ACOXL: variants seen among roughly 807,000 people sequenced by gnomAD.
ACOXL encodes the protein acyl-coenzyme A oxidase-like protein.
Under a neutral mutation model 71.9 loss-of-function variants are expected in ACOXL, and 70 were observed. The ratio of observed to expected loss-of-function variants is 0.97; its 90% confidence interval spans 0.80 to 1.19. The LOEUF is 1.19. Among genes scored for constraint, ACOXL ranks in the 50% most tolerant of loss-of-function variants. The pLI, the probability that ACOXL is intolerant of heterozygous loss-of-function variation, is 0.00. For missense variants in ACOXL, 703 were observed against 736.3 expected (o/e 0.95, Z 0.52); for synonymous variants, 253 against 281.6 (o/e 0.90, Z 1.02).
chr2:110,842,136 GTT>G (rs2105761316), intron 10 of ACOXL, among the ~76,000 whole-genome samples: 1 of 152,228 alleles, frequency 6.6e-6, no homozygotes, highest in Admixed American at 6.5e-5. Flanking sequence ...TTCGAAAGAA[GTT>G]TGCCTCCTAA....
intron 10 of ACOXL, among the ~76,000 whole-genome samples, chr2:110,886,499 C>A (rs1030495510): frequency 6.6e-5 from 10 of 151,856 alleles, no homozygotes; most frequent in African/African-American, 2.2e-4. Flanking sequence ...GCCTCAGCCT[C>A]CTGAGTAGCT....
At chr2:110,857,366 A>G (rs2148961542) in intron 10 of ACOXL, among the ~76,000 whole-genome samples, 1 of 152,268 alleles carries the variant, frequency 6.6e-6, no homozygotes, top group African/African-American at 2.4e-5. Context: ...AGATAAACCC[A>G]TCCGTCCATT....
At chr2:110,739,986 C>T (rs1677315005) in intron 1 of ACOXL, among the ~76,000 whole-genome samples, 1 of 152,048 alleles carries the variant, frequency 6.6e-6, no homozygotes, top group Non-Finnish European at 1.5e-5. Flanking sequence ...ACTTGTAGAC[C>T]TGTATTTATG....
intron 15 of ACOXL, among the ~76,000 whole-genome samples, chr2:111,043,226 G>A (rs888509289): frequency 2.6e-5 from 4 of 152,120 alleles, no homozygotes; most frequent in African/African-American, 7.2e-5. Context: ...GAGGTCCCCC[G>A]AGGGCCAGCT....
At chr2:110,881,288 C>T (rs541174435) in intron 10 of ACOXL, among the ~76,000 whole-genome samples, 3 of 151,948 alleles carry the variant, frequency 2.0e-5, no homozygotes, top group Admixed American at 2.0e-4. Context: ...ACATGAATTA[C>T]TTCTCTCTTG....
At chr2:110,742,125 C>T (rs1677628254) in intron 1 of ACOXL, among the ~76,000 whole-genome samples, 1 of 152,198 alleles carries the variant, frequency 6.6e-6, no homozygotes, top group Admixed American at 6.5e-5. Context: ...TCTTGTCTTA[C>T]ACACATCCAC....
chr2:110,964,587 C>G (rs2061845546), intron 12 of ACOXL, among the ~76,000 whole-genome samples: 1 of 152,248 alleles, frequency 6.6e-6, no homozygotes, highest in African/African-American at 2.4e-5. Context: ...TACTCCGCAC[C>G]TAGGCTATGT....
intron 10 of ACOXL, among the ~76,000 whole-genome samples, chr2:110,843,449 A>G (rs1691428532): frequency 6.6e-6 from 1 of 152,342 alleles, no homozygotes. Context: ...TCTCAGAACA[A>G]ATAGTCTTTA....
intron 14 of ACOXL, among the ~76,000 whole-genome samples, chr2:111,023,170 A>G (rs1558880252): frequency 6.6e-6 from 1 of 152,152 alleles, no homozygotes; most frequent in Non-Finnish European, 1.5e-5. Flanking sequence ...GAGTGCAGTT[A>G]TTGATCAGGA....
intron 9 of ACOXL, among the ~76,000 whole-genome samples, chr2:110,812,030 G>A (rs1687398869): frequency 6.6e-6 from 1 of 152,120 alleles, no homozygotes; most frequent in Non-Finnish European, 1.5e-5. Flanking sequence ...CTTGTCATCA[G>A]TTTATTTAGC....
chr2:111,018,373 G>T (rs1175795362), intron 14 of ACOXL, among the ~76,000 whole-genome samples: 2 of 152,232 alleles, frequency 1.3e-5, no homozygotes, highest in Non-Finnish European at 2.9e-5. Flanking sequence ...CAGAGAGTGG[G>T]ACTGACCTTT....
chr2:111,027,377 A>G (rs1034741138), intron 14 of ACOXL, among the ~76,000 whole-genome samples: 3 of 150,986 alleles, frequency 2.0e-5, no homozygotes, highest in African/African-American at 7.3e-5. Flanking sequence ...GCTGGAGTGC[A>G]GTGCCATGAT....
intron 16 of ACOXL, among the ~76,000 whole-genome samples, chr2:111,066,864 G>A (rs1220375840): frequency 6.6e-6 from 1 of 152,030 alleles, no homozygotes; most frequent in Non-Finnish European, 1.5e-5. Context: ...CGCATGATAT[G>A]AAATAATACA....
chr2:110,863,599 C>A (rs761377056), intron 10 of ACOXL, among the ~76,000 whole-genome samples: 8 of 152,236 alleles, frequency 5.3e-5, no homozygotes, highest in African/African-American at 9.6e-5. Context: ...GAGCACCCCC[C>A]CCAACTGGTT....
At chr2:110,754,031 C>CGTGTGT (rs34282367) in intron 1 of ACOXL, among the ~76,000 whole-genome samples, 4 of 141,202 alleles carry the variant, frequency 2.8e-5, no homozygotes, top group Non-Finnish European at 6.1e-5. Context: ...CACATGCACA[C>CGTGTGT]GTGTGTGTGT....
intron 12 of ACOXL, among the ~76,000 whole-genome samples, chr2:110,986,673 A>G: frequency 6.6e-6 from 1 of 152,190 alleles, no homozygotes. Context: ...GAAGATAGAG[A>G]TTGAAGTAGA....
chr2:111,042,544 CAG>C (rs1382904234), intron 15 of ACOXL, among the ~76,000 whole-genome samples: 2 of 152,140 alleles, frequency 1.3e-5, no homozygotes, highest in South Asian at 2.1e-4. Flanking sequence ...GTGGAGGTGG[CAG>C]AGTGAAGGGC....
Position 110,908,891 on chromosome 2 carries a change from G to C in ACOXL, c.891G>C (p.Leu297=). 1 of 1,613,132 alleles carries C rather than the reference G, an allele frequency of 6.2e-7. No individual in the cohort carries two copies. Among genetic ancestry groups the C allele is most frequent in the Non-Finnish European group, 8.5e-7 (1 of 1,179,468 alleles). Residue 297 remains leucine, a synonymous_variant, in exon 11 of 18, where the codon CTG becomes CTC. Transcript: ENST00000439055. ...CCCACCTGGCCACAGCCTTGGCCCT[G>C]ACCTTCGTCAGCAGGTGAGATGGCT... ...LMPHLATALA[L]TFVSRYAGAL...
rs563082461 is a variant in ACOXL, at chr2:111,103,488, G to A, written c.1542+10522G>A. Among the ~76,000 whole-genome samples the A allele has an allele frequency of 1.2e-4, 18 of 152,116 alleles. No homozygotes were observed. The South Asian group carries it at 3.1e-3, about 26-fold the overall frequency. ...ACATCACAGATTGTGGCCTTGAACC[G>A]CTAGGCATTGATTCCATTAACCTAA... is the stretch of plus-strand genomic sequence containing the variant. On this transcript the variant is annotated intron_variant, in intron 17 of 17. Coordinates refer to ENST00000439055, the MANE Select transcript of ACOXL (RefSeq NM_001142807.4).
Sources: allele counts gnomAD v4.1 joint callset (sites outside exome capture counted in the v4.1 genomes callset), GRCh38; gene constraint gnomAD v4.1.1; transcripts MANE v1.5; gene names NCBI Gene and HGNC (gene_info 2026-07-23, HGNC 2026-07-21).